Variants in IGF2BP2 observed in about 807,000 individuals in gnomAD.
IGF2BP2 encodes the protein insulin like growth factor 2 mRNA binding protein 2, also known as insulin-like growth factor 2 mRNA-binding protein 2.
IGF2BP2 carries 17 observed loss-of-function variants against 75.8 expected under a neutral mutation model. The observed-to-expected ratio is 0.22, with a 90% CI of 0.15 to 0.34. IGF2BP2 has a LOEUF of 0.34. IGF2BP2 is among the 10% of genes least tolerant of loss of function. The pLI is 1.00. For missense variants in IGF2BP2, 516 were observed against 772.4 expected, an observed-to-expected ratio of 0.67 and a Z score of 3.93; for synonymous variants, 288 against 295.6, an observed-to-expected ratio of 0.97 and a Z score of 0.26.
intron 5 of IGF2BP2, among the ~76,000 whole-genome samples, chr3:185,690,681 C>T (rs921827456): frequency 7.9e-5 from 12 of 152,136 alleles, no homozygotes; most frequent in Admixed American, 6.5e-4. Flanking sequence ...TAACTATTGC[C>T]CAGTGGGCCC....
intron 13 of IGF2BP2, among the ~76,000 whole-genome samples, chr3:185,650,463 G>A (rs1714405184): frequency 6.6e-6 from 1 of 152,066 alleles, no homozygotes; most frequent in African/African-American, 2.4e-5. Flanking sequence ...GATTGTTTGA[G>A]GCCAGGAGTT....
chr3:185,791,373 T>C (rs1736622828), intron 2 of IGF2BP2, among the ~76,000 whole-genome samples: 1 of 152,260 alleles, frequency 6.6e-6, no homozygotes, highest in Non-Finnish European at 1.5e-5. Flanking sequence ...GAGGACTGCT[T>C]AAGCCCAGGA....
chr3:185,817,863 C>G (rs1400290617), intron 2 of IGF2BP2, among the ~76,000 whole-genome samples: 1 of 152,104 alleles, frequency 6.6e-6, no homozygotes, highest in East Asian at 1.9e-4. Flanking sequence ...TTTTGTTAAA[C>G]AGAACACTCC....
intron 2 of IGF2BP2, among the ~76,000 whole-genome samples, chr3:185,721,410 C>T (rs1726520485): frequency 6.6e-6 from 1 of 152,022 alleles, no homozygotes; most frequent in Non-Finnish European, 1.5e-5. Context: ...CCATGTTGGC[C>T]AGGCTGCTCT....
rs188818190 is a variant in IGF2BP2 at position 185,692,588 on chromosome 3, C to A, written c.404+111G>T. On this transcript the variant is annotated intron_variant, in intron 5 of 15. Transcript: ENST00000382199. ...TGGGTATGTCAAAGGTGGCACATATCCAGCTCAAAGATCTGCATCTTTTTA... is the reference window on the plus strand; with the variant it reads ...TGGGTATGTCAAAGGTGGCACATATACAGCTCAAAGATCTGCATCTTTTTA... 2.9e-4 allele frequency: 272 copies of A among 948,724 alleles called. 1 individual carries two copies. The highest frequency in any genetic ancestry group is 4.2e-4 in the Non-Finnish European group (261 of 620,788). The allele number at this position is 948,724 out of a possible 1,614,324, so 58.8% of individuals were successfully genotyped here.
chr3:185,736,198 G>A (rs1158022119), intron 2 of IGF2BP2, among the ~76,000 whole-genome samples: 1 of 152,118 alleles, frequency 6.6e-6, no homozygotes, highest in African/African-American at 2.4e-5. Flanking sequence ...TAGGTCTAAG[G>A]GGGTACTGGG....
intron 2 of IGF2BP2, among the ~76,000 whole-genome samples, chr3:185,715,870 T>C (rs1473409561): frequency 6.6e-6 from 1 of 152,162 alleles, no homozygotes; most frequent in Non-Finnish European, 1.5e-5. Context: ...GGTCTTGAAC[T>C]CCTGACCTCA....
chr3:185,788,108 A>G (rs558317284), intron 2 of IGF2BP2, among the ~76,000 whole-genome samples: 1 of 152,340 alleles, frequency 6.6e-6, no homozygotes, highest in South Asian at 2.1e-4. Context: ...CTGTATTTAG[A>G]AATGTGAAAA....
intron 10 of IGF2BP2, among the ~76,000 whole-genome samples, chr3:185,658,737 C>A (rs990768824): frequency 1.3e-5 from 2 of 152,242 alleles, no homozygotes; most frequent in Admixed American, 1.3e-4. Context: ...CTGGCACTTG[C>A]ACCCATACAC....
At chr3:185,657,437 C>A in intron 11 of IGF2BP2, 35 bp from the exon 12 acceptor site, 1 of 1,520,066 alleles carries the variant, frequency 6.6e-7, no homozygotes, top group Non-Finnish European at 9.1e-7. Context: ...GACATCATTC[C>A]AACCAGGCTT....
At chr3:185,672,422 T>C (rs187303685) in intron 10 of IGF2BP2, 119 bp downstream of exon 10, 2 of 1,021,084 alleles carry the variant, frequency 2.0e-6, no homozygotes, top group Admixed American at 2.9e-5. Flanking sequence ...ATTGGATTCA[T>C]CTCTACTCGA....
intron 10 of IGF2BP2, among the ~76,000 whole-genome samples, chr3:185,665,503 A>G (rs146528236): frequency 0.3 from 7,808 of 25,696 alleles, 1,365 homozygotes; most frequent in Middle Eastern, 0.4. Context: ...GGAGGAGGAG[A>G]AGGAGGAGGA....
rs748950804 is a variant in IGF2BP2 at position 185,692,712 on chromosome 3, C to T, written c.391G>A (p.Glu131Lys). 1 of 1,613,208 alleles carries T rather than the reference C, an allele frequency of 6.2e-7. No homozygotes were observed. The highest frequency in any genetic ancestry group is 1.1e-5 in the South Asian group (1 of 90,806). ...AAATCTGCTTACATTTTTGCTTCTT[C>T]TCTTGTTGCATATGTGACGTTGACA... ...AVVNVTYATR[E>K]EAKIAMEKLS... Residue 131 changes from glutamate (E) to lysine (K), a missense_variant, in exon 5 of 16, where the codon GAA becomes AAA. Around this residue, in one of 3 missense-constraint regions of IGF2BP2, gnomAD observed 312 missense variants for 474.5 expected, o/e 0.66. Coordinates refer to ENST00000382199, the MANE Select transcript of IGF2BP2 (RefSeq NM_006548.6).
chr3:185,816,609 C>T (rs893787021), intron 2 of IGF2BP2, among the ~76,000 whole-genome samples: 3 of 152,070 alleles, frequency 2.0e-5, no homozygotes, highest in African/African-American at 2.4e-5. Context: ...GGGTTCTAGC[C>T]CTACTACTTA....
chr3:185,698,256 G>A lies in IGF2BP2; in HGVS notation c.288+43C>T, dbSNP rs1304600131. 10 of 1,540,106 alleles carry A rather than the reference G, an allele frequency of 6.5e-6. No homozygotes were observed. In the East Asian group the frequency reaches 9.0e-5, roughly 14 times the overall value. On this transcript the variant is annotated intron_variant, in intron 3 of 15. Coordinates refer to ENST00000382199, the MANE Select transcript of IGF2BP2 (RefSeq NM_006548.6). Reference sequence around the variant, plus strand: ...AAATGTAAAATGGAACTAAAGAAGGGAGAAATGTCTCATCAACCCATTAAA... The same window carrying A: ...AAATGTAAAATGGAACTAAAGAAGGAAGAAATGTCTCATCAACCCATTAAA...
chr3:185,811,853 TCTCTCTCTCTCTCTCTCTCTCTCTCC>T lies in IGF2BP2; in HGVS notation c.239+11274_239+11299del, dbSNP rs1446962538. ...GTGTCTCTCTCTCTCTCTCTCTCTC[TCTCTCTCTCTCTCTCTCTCTCTCTCC>T]CCCTCTCCCTGCCTGGGCATCAGAA... On this transcript the variant is annotated intron_variant, in intron 2 of 15. Coordinates refer to ENST00000382199, the MANE Select transcript of IGF2BP2 (RefSeq NM_006548.6). 5.4e-4 allele frequency among the ~76,000 whole-genome samples: 68 copies of T among 125,146 alleles called. 1 individual carries two copies. The highest frequency in any genetic ancestry group is 2.4e-3 in the African/African-American group (61 of 25,120). 82.1% of individuals were successfully genotyped at this position (125,146 alleles called of 152,430 possible). A position where few individuals can be genotyped will look rare whatever the true frequency, so the allele number is the denominator to read the frequency against.
At chr3:185,804,491 C>G (rs1369779779) in intron 2 of IGF2BP2, among the ~76,000 whole-genome samples, 1 of 151,704 alleles carries the variant, frequency 6.6e-6, no homozygotes, top group Non-Finnish European at 1.5e-5. Flanking sequence ...AACTGATAAG[C>G]TGAATATAAG....
chr3:185,750,366 T>C lies in IGF2BP2; in HGVS notation c.240-52019A>G, dbSNP rs1008200970. On this transcript the variant is annotated intron_variant, in intron 2 of 15. Transcript: ENST00000382199. ...TATAAATTATAAACCTCTCTAGACA[T>C]TGACACCTTCCAAAGAAAGGAGAGA... is the stretch of plus-strand genomic sequence containing the variant. 3.3e-5 allele frequency among the ~76,000 whole-genome samples: 5 copies of C among 152,130 alleles called. No homozygotes were observed. In the South Asian group the frequency reaches 6.2e-4, roughly 19 times the overall value.
chr3:185,692,577 G>A, intron 5 of IGF2BP2, 122 bp downstream of exon 5: 1 of 817,856 alleles, frequency 1.2e-6, no homozygotes, highest in Non-Finnish European at 2.0e-6. Context: ...TATGTCAAAG[G>A]TGGCACATAT....
Sources: gnomAD v4.1 joint callset for allele counts (sites outside exome capture counted in the v4.1 genomes callset) on GRCh38, gnomAD v4.1.1 for gene constraint, gnomAD v4.1.1 regional missense constraint, MANE v1.5 for transcripts, NCBI Gene and HGNC (gene_info 2026-07-23, HGNC 2026-07-21) for gene names.